DAB1: variants seen among roughly 807,000 people sequenced by gnomAD.
DAB1 encodes the protein DAB adaptor protein 1, also known as disabled homolog 1.
In DAB1, 15 loss-of-function variants were observed where a neutral mutation model predicts 64.6. That is an observed-to-expected ratio of 0.23 (90% confidence interval 0.16 to 0.36). DAB1 has a LOEUF of 0.36. Among genes scored for constraint, DAB1 ranks in the 10% least tolerant of loss-of-function variants. The pLI is 1.00. For synonymous variants in DAB1, 235 were observed against 251.9 expected (o/e 0.93, Z 0.64); for missense variants, 596 against 706.7 (o/e 0.84, Z 1.78).
chr1:58,193,094 A>G (rs1657478793), intron 4 of DAB1, among the ~76,000 whole-genome samples: 1 of 152,130 alleles, frequency 6.6e-6, no homozygotes, highest in Non-Finnish European at 1.5e-5. Flanking sequence ...AGTCACTAAT[A>G]TTGGAGGCGG....
At chr1:58,511,356 T>C (rs1170788148) in intron 2 of DAB1, among the ~76,000 whole-genome samples, 4 of 152,000 alleles carry the variant, frequency 2.6e-5, no homozygotes, top group Non-Finnish European at 5.9e-5. Flanking sequence ...ACCAAAAATA[T>C]ACAATGGGAG....
intron 6 of DAB1, among the ~76,000 whole-genome samples, chr1:57,807,960 C>T (rs1651442217): frequency 6.6e-6 from 1 of 152,080 alleles, no homozygotes; most frequent in Non-Finnish European, 1.5e-5. Context: ...GTATGTAATA[C>T]ATATAACACT....
At chr1:58,117,852 T>TA (rs397804354) in intron 5 of DAB1, among the ~76,000 whole-genome samples, 5 of 151,444 alleles carry the variant, frequency 3.3e-5, no homozygotes, top group Non-Finnish European at 5.9e-5. Context: ...GTTTTTTTTT[T>TA]TATATTTTTT....
At chr1:57,496,326 C>A (rs1015878933) in intron 7 of DAB1, among the ~76,000 whole-genome samples, 1 of 152,066 alleles carries the variant, frequency 6.6e-6, no homozygotes, top group Non-Finnish European at 1.5e-5. Flanking sequence ...CTAACTCTGT[C>A]ATTTGACTAC....
intron 9 of DAB1, among the ~76,000 whole-genome samples, chr1:57,056,287 C>T (rs893030100): frequency 6.7e-6 from 1 of 148,842 alleles, no homozygotes; most frequent in Non-Finnish European, 1.5e-5. Context: ...TTGCTTCGGG[C>T]CAGGAATTCA....
At chr1:57,282,754 A>G (rs964638219) in intron 2 of DAB1, among the ~76,000 whole-genome samples, 1 of 152,200 alleles carries the variant, frequency 6.6e-6, no homozygotes, top group Non-Finnish European at 1.5e-5. Flanking sequence ...AGCTCTACTG[A>G]TCAAGTTCAG....
At chr1:57,022,796 T>C (rs1300516297) in intron 11 of DAB1, among the ~76,000 whole-genome samples, 1 of 152,254 alleles carries the variant, frequency 6.6e-6, no homozygotes. Context: ...AAGGCTCCCA[T>C]GTATGTCAAA....
intron 1 of DAB1, among the ~76,000 whole-genome samples, chr1:57,865,333 T>C (rs1052810566): frequency 5.3e-5 from 8 of 152,142 alleles, no homozygotes; most frequent in Non-Finnish European, 1.2e-4. Context: ...CTGCACTTTA[T>C]AGAATGAAGA....
chr1:58,435,078 TG>T (rs1208596568), intron 3 of DAB1, among the ~76,000 whole-genome samples: 1 of 152,178 alleles, frequency 6.6e-6, no homozygotes, highest in African/African-American at 2.4e-5. Context: ...CCTTGTGGAT[TG>T]CATTACTTGG....
At chr1:58,118,955 T>C (rs1652563435) in intron 5 of DAB1, among the ~76,000 whole-genome samples, 1 of 152,042 alleles carries the variant, frequency 6.6e-6, no homozygotes. Flanking sequence ...ACTAGGCACA[T>C]GTGACTAGTT....
chr1:58,169,105 C>G (rs565854265), intron 4 of DAB1, among the ~76,000 whole-genome samples: 4 of 152,288 alleles, frequency 2.6e-5, no homozygotes, highest in Non-Finnish European at 5.9e-5. Context: ...GCAACTGCTG[C>G]AGGTTCTTGG....
chr1:57,682,234 G>A (rs1363469973), intron 6 of DAB1, among the ~76,000 whole-genome samples: 1 of 150,996 alleles, frequency 6.6e-6, no homozygotes, highest in Non-Finnish European at 1.5e-5. Context: ...AACATAAGAA[G>A]CACTTTAAAA....
chr1:57,361,198 C>T (rs1162177620), intron 1 of DAB1, among the ~76,000 whole-genome samples: 2 of 152,076 alleles, frequency 1.3e-5, no homozygotes, highest in Admixed American at 6.6e-5. Flanking sequence ...GATGTAATAT[C>T]AAATACTGAG....
chr1:58,414,616 T>A (rs1487878668), intron 3 of DAB1, among the ~76,000 whole-genome samples: 1 of 152,156 alleles, frequency 6.6e-6, no homozygotes, highest in Non-Finnish European at 1.5e-5. Context: ...AATGTTTTTT[T>A]TTCTATGACT....
chr1:57,829,392 A>G (rs1439443663), intron 1 of DAB1, among the ~76,000 whole-genome samples: 1 of 152,196 alleles, frequency 6.6e-6, no homozygotes, highest in Non-Finnish European at 1.5e-5. Context: ...TTGTTTTCTG[A>G]TCTTCAGCTC....
intron 4 of DAB1, among the ~76,000 whole-genome samples, chr1:57,128,161 AAATAAATAAATAAAT>A (rs1557770684): frequency 2.0e-5 from 3 of 146,354 alleles, no homozygotes; most frequent in African/African-American, 7.6e-5. Flanking sequence ...AAAAATAAAT[AAATAAATAAATAAAT>A]AAATAAATAA....
chr1:57,842,157 C>A (rs776515648), intron 1 of DAB1, among the ~76,000 whole-genome samples: 5 of 152,154 alleles, frequency 3.3e-5, no homozygotes, highest in Non-Finnish European at 5.9e-5. Flanking sequence ...TTCCATAGAG[C>A]TCTAGGGCAG....
chr1:57,916,696 G>A (rs998992362), intron 5 of DAB1, among the ~76,000 whole-genome samples: 1 of 152,168 alleles, frequency 6.6e-6, no homozygotes, highest in Non-Finnish European at 1.5e-5. Context: ...CCAACACTTT[G>A]GGAGGCCAAG....
At chr1:57,751,834 T>TAAATAAATAAATA (rs1553125452) in intron 6 of DAB1, among the ~76,000 whole-genome samples, 1 of 150,786 alleles carries the variant, frequency 6.6e-6, no homozygotes, top group African/African-American at 2.5e-5. Flanking sequence ...ATTCTTTACT[T>TAAATAAATAAATA]AATAAATAAA....
Sources: gnomAD v4.1 joint callset for allele counts (sites outside exome capture counted in the v4.1 genomes callset) on GRCh38, gnomAD v4.1.1 for gene constraint, MANE v1.5 for transcripts, NCBI Gene and HGNC (gene_info 2026-07-23, HGNC 2026-07-21) for gene names.